Variants in SERTAD4 observed in about 807,000 individuals in gnomAD.
SERTAD4 encodes SERTA domain-containing protein 4.
A neutral mutation model predicts 32.9 loss-of-function variants in SERTAD4; 18 were observed. The ratio of observed to expected loss-of-function variants is 0.55; its 90% CI spans 0.38 to 0.81. SERTAD4 has a LOEUF of 0.81. Ranked by LOEUF, SERTAD4 falls within the 30% of genes least tolerant of loss-of-function variation. The pLI is 0.00. For synonymous variants in SERTAD4, 150 were observed against 156.4 expected (o/e 0.96, Z 0.30); for missense variants, 383 against 426.0 (o/e 0.90, Z 0.89).
chr1:210,242,180 A>T lies in SERTAD4; in HGVS notation c.914A>T (p.Asp305Val). ...CTCAGCCACGAACCTGTGGGAAATG[A>T]CCTTGCTTTTGAGTGCAAAGGCCAA... is the stretch of plus-strand genomic sequence containing the variant. Reference protein sequence around the residue: ...GPLSHEPVGNDLAFECKGQFY... With the variant: ...GPLSHEPVGNVLAFECKGQFY... The change falls in exon 4 of 4, where the codon GAC becomes GTC. Residue 305 changes from aspartate to valine, a missense_variant. By Grantham distance (152) the Asp-to-Val change is radical (BLOSUM62 -3). Transcript: ENST00000367012. This position sits in a 1 kb window ranked among gnomAD's most constrained non-coding sequence, Gnocchi z 4.0. 1 of 1,614,196 alleles carries T rather than the reference A, an allele frequency of 6.2e-7. No individual in the cohort carries two copies. The highest frequency in any genetic ancestry group is 2.2e-5 in the East Asian group (1 of 44,884).
intron 1 of SERTAD4, chr1:210,237,549 A>T (rs764809267): frequency 5.8e-6 from 1 of 172,976 alleles, no homozygotes; most frequent in Non-Finnish European, 1.2e-5. Flanking sequence ...GGGATTGACT[A>T]GAAAATTGAT....
rs57426441 is a variant in SERTAD4, at chr1:210,243,093, CAAAAAAAAAA to C, written c.*769_*778del. The C allele has an allele frequency of 6.2e-5, 30 of 486,554 alleles. No homozygotes were observed. The African/African-American group carries it at 7.8e-4, about 13-fold the overall frequency. The allele number at this position is 486,554 out of a possible 1,614,324, so 30.1% of individuals were successfully genotyped here. ...TACAGCAGGGATTTAACAAACAGGA[CAAAAAAAAAA>C]AAAAAAAAAAAACCACAGGGTGGAT... On this transcript the variant is annotated 3_prime_UTR_variant, in exon 4 of 4. Coordinates refer to ENST00000367012, the MANE Select transcript of SERTAD4 (RefSeq NM_019605.5).
chr1:210,242,384 G>C lies in SERTAD4; in HGVS notation c.*47G>C. On this transcript the variant is annotated 3_prime_UTR_variant, in exon 4 of 4. Coordinates refer to ENST00000367012, the MANE Select transcript of SERTAD4 (RefSeq NM_019605.5). This position sits in a 1 kb window ranked among gnomAD's most constrained non-coding sequence, Gnocchi z 4.0. The stretch of plus-strand genomic sequence containing the variant: ...GAAGCATGCACAGCATGATCAGTTA[G>C]CTCTCGTAAATTTTATTTTGAATGG... 1 of 1,519,258 alleles carries C rather than the reference G, an allele frequency of 6.6e-7. No homozygotes were observed. Among genetic ancestry groups the C allele is most frequent in the South Asian group, 1.4e-5 (1 of 73,490 alleles). The allele number at this position is 1,519,258 out of a possible 1,614,324, so 94.1% of individuals were successfully genotyped here. A position where few individuals can be genotyped will look rare whatever the true frequency, so the allele number is the denominator to read the frequency against.
chr1:210,241,419 C>G, intron 3 of SERTAD4, 139 bp from the exon 4 acceptor site: 1 of 863,802 alleles, frequency 1.2e-6, no homozygotes, highest in Non-Finnish European at 1.7e-6. Context: ...CCCTGCGGAA[C>G]AAGACCACAA....
At chr1:210,238,731 T>C (rs766769849) in intron 2 of SERTAD4, among the ~76,000 whole-genome samples, 23 of 152,208 alleles carry the variant, frequency 1.5e-4, no homozygotes, top group Non-Finnish European at 1.6e-4. Context: ...GGTTTTAGGA[T>C]TGTAGGAAAA....
chr1:210,233,353 G>T (rs1357464792), intron 1 of SERTAD4, among the ~76,000 whole-genome samples: 4 of 152,120 alleles, frequency 2.6e-5, no homozygotes, highest in African/African-American at 7.2e-5. Context: ...GGGGCGGGTG[G>T]GGTCAGAAGC....
chr1:210,233,162 G>C (rs2083894697), intron 1 of SERTAD4, among the ~76,000 whole-genome samples, 151 bp downstream of exon 1: 1 of 152,074 alleles, frequency 6.6e-6, no homozygotes, highest in Non-Finnish European at 1.5e-5. Flanking sequence ...AGGTCACCGA[G>C]TGGACTCGCA....
At chr1:210,236,362 T>C (rs1028657208) in intron 1 of SERTAD4, among the ~76,000 whole-genome samples, 9 of 152,318 alleles carry the variant, frequency 5.9e-5, no homozygotes, top group African/African-American at 2.2e-4. Flanking sequence ...CCTAATTCTC[T>C]CCACTGACCT....
chr1:210,235,239 C>T (rs2083929605), intron 1 of SERTAD4, among the ~76,000 whole-genome samples: 1 of 152,194 alleles, frequency 6.6e-6, no homozygotes, highest in East Asian at 1.9e-4. Flanking sequence ...TAAATCTTAT[C>T]AGACAGAGAA....
chr1:210,238,008 G>T lies in SERTAD4; in HGVS notation c.48G>T (p.Ser16=). The T allele has an allele frequency of 6.2e-7, 1 of 1,613,758 alleles. No homozygotes were observed. The highest frequency in any genetic ancestry group is 8.5e-7 in the Non-Finnish European group (1 of 1,179,950). The change falls in exon 2 of 4, where the codon TCG becomes TCT. Residue 16 remains serine, a synonymous_variant. Coordinates refer to ENST00000367012, the MANE Select transcript of SERTAD4 (RefSeq NM_019605.5). ...ATAGATTCTGCGAGCCCATTGTCTC[G>T]GAAGGAGCTGCTGAAATTGCTGGGT... ...SMNRFCEPIV[S]EGAAEIAGYQ...
chr1:210,238,159 TCCCCCCCAC>T, intron 2 of SERTAD4, 24 bp downstream of exon 2: 1 of 1,291,904 alleles, frequency 7.7e-7, no homozygotes, highest in Non-Finnish European at 1.1e-6. Context: ...CCTGCGCCCA[TCCCCCCCAC>T]CCCTCGCTGC....
At chr1:210,239,442 G>A in intron 2 of SERTAD4, 51 bp from the exon 3 acceptor site, 1 of 1,057,552 alleles carries the variant, frequency 9.5e-7, no homozygotes, top group Non-Finnish European at 1.5e-6. Context: ...TTTGTTTGGA[G>A]AACCTCTGGC....
intron 1 of SERTAD4, among the ~76,000 whole-genome samples, chr1:210,237,636 A>G (rs1232912984): frequency 1.3e-5 from 2 of 152,316 alleles, no homozygotes; most frequent in South Asian, 2.1e-4. Flanking sequence ...GTCAGGAGGA[A>G]AATGTGTTTA....
chr1:210,242,172 G>A lies in SERTAD4; in HGVS notation c.906G>A (p.Val302=), dbSNP rs772872998. 5 of 1,614,152 alleles carry A rather than the reference G, an allele frequency of 3.1e-6. No individual in the cohort carries two copies. Among genetic ancestry groups the A allele is most frequent in the Non-Finnish European group, 4.2e-6 (5 of 1,180,024 alleles). ...RDGGPLSHEP[V]GNDLAFECKG... is the part of the protein sequence containing the mutation. ...GTGGCCCCCTCAGCCACGAACCTGTGGGAAATGACCTTGCTTTTGAGTGCA... is the reference window on the plus strand; with the variant it reads ...GTGGCCCCCTCAGCCACGAACCTGTAGGAAATGACCTTGCTTTTGAGTGCA... The change falls in exon 4 of 4, where the codon GTG becomes GTA. Residue 302 remains valine, a synonymous_variant. Transcript: ENST00000367012. The surrounding 1 kb of genome is among the most constrained non-coding windows in gnomAD (Gnocchi z 4.0).
Position 210,241,547 on chromosome 1 carries a change from T to TGTTTTG in SERTAD4, c.292-11_292-10insGTTTTG. 3 of 1,485,096 alleles carry TGTTTTG rather than the reference T, an allele frequency of 2.0e-6. No homozygotes were observed. Among genetic ancestry groups the TGTTTTG allele is most frequent in the Admixed American group, 2.4e-5 (1 of 41,934 alleles). The allele number at this position is 1,485,096 out of a possible 1,614,324, so 92.0% of individuals were successfully genotyped here. A position where few individuals can be genotyped will look rare whatever the true frequency, so the allele number is the denominator to read the frequency against. On this transcript the variant is annotated splice_polypyrimidine_tract_variant and intron_variant, in intron 3 of 3. Coordinates refer to ENST00000367012, the MANE Select transcript of SERTAD4 (RefSeq NM_019605.5). ...GTTTGTTTTTTTCTTTTTTTTTTTTTTGGTTTGTAGACCATCTCAATTTTT... is the reference window on the plus strand; with the variant it reads ...GTTTGTTTTTTTCTTTTTTTTTTTTTGTTTTGTGGTTTGTAGACCATCTCAATTTTT...
chr1:210,240,581 TC>T, intron 3 of SERTAD4, among the ~76,000 whole-genome samples: 1 of 152,306 alleles, frequency 6.6e-6, no homozygotes, highest in East Asian at 1.9e-4. Flanking sequence ...GAATAACTGG[TC>T]CCCAGGACAC....
rs57426441 is a variant in SERTAD4 at position 210,243,093 on chromosome 1, C to CAAAA, written c.*775_*778dup. On this transcript the variant is annotated 3_prime_UTR_variant, in exon 4 of 4. Transcript: ENST00000367012. ...TACAGCAGGGATTTAACAAACAGGA[C>CAAAA]AAAAAAAAAAAAAAAAAAAAAACCA... The CAAAA allele has an allele frequency of 0.011, 5,026 of 470,140 alleles. 3 individuals carry two copies. The highest frequency in any genetic ancestry group is 0.013 in the Middle Eastern group (12 of 912). 29.1% of individuals were successfully genotyped at this position (470,140 alleles called of 1,614,324 possible).
At position 210,245,662 on chromosome 1, in the gene SERTAD4, T is replaced by C. The variant is rs1203026212; in HGVS notation, c.*3325T>C. On this transcript the variant is annotated 3_prime_UTR_variant, in exon 4 of 4. Coordinates refer to ENST00000367012, the MANE Select transcript of SERTAD4 (RefSeq NM_019605.5). ...ATTTAGAACATTTTACATGCTTCTT[T>C]GTTAAATGGTGAAGCAAGGGAATGA... The C allele has an allele frequency of 7.4e-6, 2 of 269,968 alleles. No homozygotes were observed. The highest frequency in any genetic ancestry group is 1.1e-5 in the Non-Finnish European group (2 of 176,000). The allele number at this position is 269,968 out of a possible 1,614,324, so 16.7% of individuals were successfully genotyped here.
At chr1:210,241,520 CTGTT>C (rs772540072) in intron 3 of SERTAD4, 34 bp from the exon 4 acceptor site, 35 of 1,480,888 alleles carry the variant, frequency 2.4e-5, no homozygotes, top group Non-Finnish European at 2.9e-5. Context: ...CTTCCTTTTT[CTGTT>C]TGTTTTTTTC....
Sources: gnomAD v4.1 joint callset for allele counts (sites outside exome capture counted in the v4.1 genomes callset) on GRCh38, gnomAD v4.1.1 for gene constraint, Gnocchi (gnomAD v3.1) non-coding constraint, MANE v1.5 for transcripts, NCBI Gene and HGNC (gene_info 2026-07-23, HGNC 2026-07-21) for gene names.